ACACB: variants seen among roughly 807,000 people sequenced by gnomAD.
ACACB encodes the protein acetyl-CoA carboxylase beta, also known as acetyl-CoA carboxylase 2.
In ACACB, 209 loss-of-function variants were observed where a neutral mutation model predicts 278.8. The observed-to-expected ratio is 0.75, with a 90% CI of 0.67 to 0.84. The LOEUF (loss-of-function observed/expected upper bound fraction) is 0.84, where lower values mean the gene tolerates loss of function less well. ACACB is among the 40% of genes least tolerant of loss of function. The pLI is 0.00. For synonymous variants in ACACB, 1,174 were observed against 1,285.6 expected (o/e 0.91, Z 1.86); for missense variants, 2,850 against 3,269.0 (o/e 0.87, Z 3.13).
intron 40 of ACACB, 124 bp from the exon 41 acceptor site, chr12:109,249,860 C>T (rs961277745): frequency 1.1e-5 from 14 of 1,323,490 alleles, no homozygotes; most frequent in Non-Finnish European, 1.3e-5. Context: ...CATTTTGCCT[C>T]TGGATGCTTT....
chr12:109,172,385 G>A (rs759364675), intron 6 of ACACB, 29 bp downstream of exon 6: 8 of 1,602,910 alleles, frequency 5.0e-6, no homozygotes, highest in Admixed American at 1.7e-5. Context: ...AGATACATGG[G>A]AATTGGGGTA....
Position 109,210,188 on chromosome 12 carries a change from C to CATGTGTGTATATGTATATATACACACAT in ACACB, c.3249+835_3249+836insATGTGTGTATATGTATATATACACACAT, listed in dbSNP as rs146208327. Among the ~76,000 whole-genome samples, 2 of 13,752 alleles carry CATGTGTGTATATGTATATATACACACAT rather than the reference C, an allele frequency of 1.5e-4. 1 individual carries two copies. The highest frequency in any genetic ancestry group is 1.9e-3 in the Admixed American group (2 of 1,080). The allele number at this position is 13,752 out of a possible 152,430, so 9.0% of individuals were successfully genotyped here. A position where few individuals can be genotyped will look rare whatever the true frequency, so the allele number is the denominator to read the frequency against. On this transcript the variant is annotated intron_variant, in intron 21 of 52. Coordinates refer to ENST00000338432, the MANE Select transcript of ACACB (RefSeq NM_001093.4). ...ATATGTATATATGTATATATACACA[C>CATGTGTGTATATGTATATATACACACAT]GTGTGTATATGTATATATGTATATA...
In ACACB at chr12:109,188,111, C is replaced by T. The variant is rs1422290007; in HGVS notation, c.2093C>T (p.Ser698Phe). Reference sequence around the variant, plus strand: ...GGAGGCCTGCACGAGTTTGCGGATTCCCAATTTGGGCACTGCTTCTCCTGG... The same window carrying T: ...GGAGGCCTGCACGAGTTTGCGGATTTCCAATTTGGGCACTGCTTCTCCTGG... ...ATGGLHEFAD[S>F]QFGHCFSWGE... is the part of the protein sequence containing the mutation. Residue 698 changes from serine (S) to phenylalanine (F), a missense_variant, in exon 13 of 53, where the codon TCC becomes TTC. Physicochemically the swap from Ser to Phe is radical, Grantham distance 155. This residue lies in a region of ACACB where 2,265 missense variants were observed against 2,561.3 expected (regional missense o/e 0.88). Coordinates refer to ENST00000338432, the MANE Select transcript of ACACB (RefSeq NM_001093.4). The T allele has an allele frequency of 2.0e-5, 32 of 1,612,936 alleles. No homozygotes were observed. The highest frequency in any genetic ancestry group is 2.7e-5 in the African/African-American group (2 of 74,908).
chr12:109,204,003 TATTA>T (rs1446363035), intron 19 of ACACB, among the ~76,000 whole-genome samples: 3 of 152,218 alleles, frequency 2.0e-5, no homozygotes, highest in Admixed American at 6.5e-5. Context: ...CAGAGTATTC[TATTA>T]ATTGTATTTG....
At chr12:109,229,948 T>G (rs1400190850) in intron 28 of ACACB, among the ~76,000 whole-genome samples, 1 of 152,190 alleles carries the variant, frequency 6.6e-6, no homozygotes, top group Admixed American at 6.5e-5. Flanking sequence ...TACCTTCTCT[T>G]AAAGTAATTA....
chr12:109,139,887 T>C lies in ACACB; in HGVS notation c.482T>C (p.Leu161Pro). ...AAGCAGGCAAACATCAAGAGGCAGCTGATGACCAACTTCATCCTGGGCTCT... is the reference window on the plus strand; with the variant it reads ...AAGCAGGCAAACATCAAGAGGCAGCCGATGACCAACTTCATCCTGGGCTCT... ...DKKQANIKRQ[L>P]MTNFILGSFD... is the part of the protein sequence containing the mutation. The change falls in exon 2 of 53, where the codon CTG becomes CCG. Residue 161 changes from leucine (L) to proline (P), a missense_variant. By Grantham distance (98) the Leu-to-Pro change is moderately conservative (BLOSUM62 -3). Transcript: ENST00000338432. The C allele has an allele frequency of 6.2e-7, 1 of 1,614,194 alleles. No individual in the cohort carries two copies. The highest frequency in any genetic ancestry group is 1.3e-5 in the African/African-American group (1 of 75,060).
intron 20 of ACACB, among the ~76,000 whole-genome samples, chr12:109,207,169 T>C (rs753279947): frequency 1.2e-4 from 18 of 152,182 alleles, no homozygotes; most frequent in Admixed American, 5.9e-4. Context: ...TTCCCCACGC[T>C]GGTCTTGAAC....
At chr12:109,187,813 A>C (rs112523156) in intron 12 of ACACB, among the ~76,000 whole-genome samples, 186 bp from the exon 13 acceptor site, 1 of 152,050 alleles carries the variant, frequency 6.6e-6, no homozygotes, top group African/African-American at 2.4e-5. Flanking sequence ...GGCATTGAGG[A>C]GCTCATATGG....
At chr12:109,212,518 T>G (rs2045877968) in intron 21 of ACACB, among the ~76,000 whole-genome samples, 1 of 152,036 alleles carries the variant, frequency 6.6e-6, no homozygotes, top group African/African-American at 2.4e-5. Context: ...AGGCCTTAGA[T>G]TATCGTAACG....
At chr12:109,258,428 G>T (rs1447863411) in intron 46 of ACACB, 64 bp downstream of exon 46, 4 of 1,397,698 alleles carry the variant, frequency 2.9e-6, no homozygotes, top group African/African-American at 2.8e-5. Flanking sequence ...TGGGTCCTGG[G>T]CGTGGGGGTC....
At chr12:109,230,700 T>C (rs2046443455) in intron 28 of ACACB, among the ~76,000 whole-genome samples, 1 of 152,186 alleles carries the variant, frequency 6.6e-6, no homozygotes, top group Admixed American at 6.5e-5. Flanking sequence ...AAAGTGCTGA[T>C]ATTATAGGCG....
intron 41 of ACACB, among the ~76,000 whole-genome samples, chr12:109,250,396 CTG>C (rs1272585949): frequency 6.6e-6 from 1 of 152,140 alleles, no homozygotes. Context: ...AAAAACATAA[CTG>C]AAATACTAAT....
chr12:109,160,005 G>A (rs533572308), intron 2 of ACACB, among the ~76,000 whole-genome samples: 37 of 151,244 alleles, frequency 2.4e-4, no homozygotes, highest in Non-Finnish European at 1.9e-4. Context: ...CAGGAGAATC[G>A]CTTGAATCTG....
At chr12:109,222,279 G>A (rs968885411) in intron 24 of ACACB, among the ~76,000 whole-genome samples, 5 of 151,892 alleles carry the variant, frequency 3.3e-5, no homozygotes, top group African/African-American at 1.2e-4. Flanking sequence ...GTTGTGGGGT[G>A]GATGAATGGG....
intron 12 of ACACB, among the ~76,000 whole-genome samples, chr12:109,187,217 G>T (rs1022745918): frequency 2.0e-5 from 3 of 152,106 alleles, no homozygotes; most frequent in Non-Finnish European, 4.4e-5. Flanking sequence ...TTCCCTAGCA[G>T]CAAGGGCCCT....
chr12:109,209,088 T>G, intron 20 of ACACB, 77 bp from the exon 21 acceptor site: 3 of 1,465,298 alleles, frequency 2.0e-6, no homozygotes, highest in Non-Finnish European at 2.8e-6. Context: ...GGTTGAGCTG[T>G]GTTGGGTGCC....
intron 2 of ACACB, among the ~76,000 whole-genome samples, chr12:109,165,475 C>T (rs1475106396): frequency 1.3e-5 from 2 of 152,122 alleles, no homozygotes; most frequent in Non-Finnish European, 2.9e-5. Context: ...AGGTATGAGC[C>T]ACTGCATGTG....
At chr12:109,238,421 TATATA>T (rs948500630) in intron 34 of ACACB, among the ~76,000 whole-genome samples, 8 of 138,576 alleles carry the variant, frequency 5.8e-5, no homozygotes, top group African/African-American at 2.1e-4. Context: ...TATAATAATA[TATATA>T]ATATATTATA....
rs1483587690 is a variant in ACACB at position 109,252,026 on chromosome 12, A to AG, written c.5791-15dup. On this transcript the variant is annotated intron_variant, in intron 41 of 52. Transcript: ENST00000338432. ...TCCCTCGCCACTCTCCAGAATTCAG[A>AG]GGGGGTCCTCTCTCCACAGGTGACC... The AG allele has an allele frequency of 3.1e-6, 5 of 1,589,350 alleles. No individual in the cohort carries two copies. The highest frequency in any genetic ancestry group is 4.3e-6 in the Non-Finnish European group (5 of 1,165,048).
Sources: allele counts gnomAD v4.1 joint callset (sites outside exome capture counted in the v4.1 genomes callset), GRCh38; gene constraint gnomAD v4.1.1; regional missense constraint gnomAD v4.1.1; transcripts MANE v1.5; gene names NCBI Gene and HGNC (gene_info 2026-07-23, HGNC 2026-07-21).